Variants in TBCK observed in about 807,000 individuals in gnomAD.
The protein encoded by TBCK is TBC domain-containing protein kinase-like protein.
A neutral mutation model predicts 113.4 loss-of-function variants in TBCK; 99 were observed. The observed-to-expected ratio is 0.87, with a 90% CI of 0.74 to 1.03. TBCK has a LOEUF of 1.03. Among genes scored for constraint, TBCK ranks in the 50% least tolerant of loss-of-function variants. The pLI is 0.00. For synonymous variants in TBCK, 369 were observed against 370.8 expected, an observed-to-expected ratio of 1.00 and a Z score of 0.05; for missense variants, 1,045 against 1,061.3, an observed-to-expected ratio of 0.98 and a Z score of 0.21.
chr4:106,129,197 T>C (rs1745579565), intron 23 of TBCK, among the ~76,000 whole-genome samples: 1 of 152,190 alleles, frequency 6.6e-6, no homozygotes, highest in African/African-American at 2.4e-5. Context: ...GTTTGTTACA[T>C]AGGAAAGAGG....
At chr4:106,170,994 G>T in intron 23 of TBCK, 101 bp downstream of exon 23, 1 of 812,246 alleles carries the variant, frequency 1.2e-6, no homozygotes, top group Non-Finnish European at 1.8e-6. Flanking sequence ...ACATTAAAAG[G>T]ACATAAATGA....
intron 2 of TBCK, among the ~76,000 whole-genome samples, chr4:106,306,613 T>TC (rs11461633): frequency 0.2 from 30,368 of 152,066 alleles, 3,189 homozygotes; most frequent in African/African-American, 0.27. Flanking sequence ...CAGTCAAGGG[T>TC]TACCAAGGTA....
At chr4:106,098,887 G>A (rs1422830163) in intron 24 of TBCK, among the ~76,000 whole-genome samples, 1 of 151,964 alleles carries the variant, frequency 6.6e-6, no homozygotes, top group East Asian at 1.9e-4. Context: ...TTGAATGTGT[G>A]CTAAGAACAA....
chr4:106,071,575 TTGA>T (rs1175188674), intron 25 of TBCK, among the ~76,000 whole-genome samples: 1 of 152,218 alleles, frequency 6.6e-6, no homozygotes, highest in Admixed American at 6.5e-5. Context: ...GTATATTCTG[TTGA>T]TTTGGGCTGA....
chr4:106,259,446 T>C (rs1314846012), intron 5 of TBCK, among the ~76,000 whole-genome samples: 8 of 151,854 alleles, frequency 5.3e-5, no homozygotes, highest in Non-Finnish European at 8.9e-5. Context: ...TTAATGTCTC[T>C]AGGTTAGATA....
chr4:106,064,079 T>C (rs1474685266), intron 25 of TBCK, among the ~76,000 whole-genome samples: 1 of 151,874 alleles, frequency 6.6e-6, no homozygotes, highest in African/African-American at 2.4e-5. Flanking sequence ...AAAAGCCTCA[T>C]ATTACCACAA....
chr4:106,154,029 C>CT (rs761069724), intron 23 of TBCK, among the ~76,000 whole-genome samples: 78 of 152,008 alleles, frequency 5.1e-4, no homozygotes, highest in Non-Finnish European at 1.1e-3. Context: ...CATTCTATAT[C>CT]TTTTCATTAA....
At chr4:106,091,246 G>A (rs1269189581) in intron 25 of TBCK, among the ~76,000 whole-genome samples, 1 of 152,208 alleles carries the variant, frequency 6.6e-6, no homozygotes, top group East Asian at 1.9e-4. Flanking sequence ...GGCATGAGCA[G>A]GAACAAGAGA....
chr4:106,236,177 T>C (rs568066191), intron 14 of TBCK, among the ~76,000 whole-genome samples: 33 of 152,182 alleles, frequency 2.2e-4, no homozygotes, highest in Non-Finnish European at 4.1e-4. Flanking sequence ...TTTTTTAACA[T>C]GATTTTGCAT....
intron 25 of TBCK, among the ~76,000 whole-genome samples, chr4:106,051,283 G>T (rs550322140): frequency 6.6e-6 from 1 of 151,932 alleles, no homozygotes; most frequent in South Asian, 2.1e-4. Flanking sequence ...AAGATTTAGG[G>T]AGGAACACAT....
At chr4:106,175,040 T>C (rs1212792366) in intron 22 of TBCK, among the ~76,000 whole-genome samples, 5 of 151,740 alleles carry the variant, frequency 3.3e-5, no homozygotes, top group Admixed American at 6.6e-5. Context: ...GACACGAGAA[T>C]TGCTTGAACC....
intron 23 of TBCK, among the ~76,000 whole-genome samples, chr4:106,170,320 A>C (rs1432939217): frequency 6.6e-6 from 1 of 152,060 alleles, no homozygotes; most frequent in Non-Finnish European, 1.5e-5. Flanking sequence ...AATATCTTAT[A>C]ATCTTTCATA....
At chr4:106,129,926 A>G (rs950417254) in intron 23 of TBCK, among the ~76,000 whole-genome samples, 2 of 152,184 alleles carry the variant, frequency 1.3e-5, no homozygotes, top group South Asian at 2.1e-4. Context: ...TTCCCCTAGT[A>G]TATTGGCTTG....
intron 22 of TBCK, among the ~76,000 whole-genome samples, chr4:106,186,112 T>G (rs1752995570): frequency 6.6e-6 from 1 of 152,218 alleles, no homozygotes; most frequent in Non-Finnish European, 1.5e-5. Flanking sequence ...GTATCACAAT[T>G]TTCTTTATGC....
intron 23 of TBCK, among the ~76,000 whole-genome samples, chr4:106,161,449 A>T (rs1432588120): frequency 6.6e-6 from 1 of 152,056 alleles, no homozygotes; most frequent in Non-Finnish European, 1.5e-5. Flanking sequence ...CAACATTTGC[A>T]AACCACTGTT....
At chr4:106,186,551 C>G (rs187203695) in intron 22 of TBCK, among the ~76,000 whole-genome samples, 1 of 152,220 alleles carries the variant, frequency 6.6e-6, no homozygotes, top group Non-Finnish European at 1.5e-5. Context: ...AGTGTCTGTT[C>G]ATGTACTTTT....
rs774435229 is a variant in TBCK at position 106,308,781 on chromosome 4, A to T, written c.180T>A (p.Ser60=). ...HPRLCQYVDI[S]RGKHERLVVV... The stretch of plus-strand genomic sequence containing the variant: ...AAAATAACTTACCATGCTTTCCCCT[A>T]GAAATATCCACATACTGGCAGAGTC... The change falls in exon 2 of 26, where the codon TCT becomes TCA. Residue 60 remains serine (S), a synonymous_variant. Transcript: ENST00000394708. 5.1e-5 allele frequency: 82 copies of T among 1,611,862 alleles called. No individual in the cohort carries two copies. The East Asian group carries it at 1.8e-3, about 35-fold the overall frequency.
intron 25 of TBCK, among the ~76,000 whole-genome samples, chr4:106,090,301 A>T (rs1740066343): frequency 6.6e-6 from 1 of 152,176 alleles, no homozygotes; most frequent in South Asian, 2.1e-4. Flanking sequence ...CTGAGTGGTC[A>T]CGATGCAGGG....
At chr4:106,230,129 T>C (rs1758696705) in intron 19 of TBCK, among the ~76,000 whole-genome samples, 2 of 151,968 alleles carry the variant, frequency 1.3e-5, no homozygotes, top group South Asian at 4.1e-4. Context: ...CAAACTCGCA[T>C]GCCTGCAATT....
Sources: allele counts gnomAD v4.1 joint callset (sites outside exome capture counted in the v4.1 genomes callset), GRCh38; gene constraint gnomAD v4.1.1; transcripts MANE v1.5; gene names NCBI Gene and HGNC (gene_info 2026-07-23, HGNC 2026-07-21).